The following HS3ST3A1 variants were observed in gnomAD, a reference collection of about 807,000 sequenced individuals.
The protein encoded by HS3ST3A1 is heparan sulfate-glucosamine 3-sulfotransferase 3A1, also known as heparan sulfate glucosamine 3-O-sulfotransferase 3A1.
In HS3ST3A1, 19 loss-of-function variants were observed where a neutral mutation model predicts 25.7. The ratio of observed to expected loss-of-function variants is 0.74; its 90% CI spans 0.52 to 1.08. The LOEUF (loss-of-function observed/expected upper bound fraction) is 1.08, where lower values mean the gene tolerates loss of function less well. Among genes scored for constraint, HS3ST3A1 ranks in the 50% least tolerant of loss-of-function variants. The pLI is 0.00. For synonymous variants in HS3ST3A1, 226 were observed against 278.6 expected (o/e 0.81, Z 1.88); for missense variants, 459 against 594.3 (o/e 0.77, Z 2.37).
chr17:13,568,774 T>C (rs1051661284), intron 1 of HS3ST3A1, among the ~76,000 whole-genome samples: 16 of 152,240 alleles, frequency 1.1e-4, no homozygotes, highest in African/African-American at 3.9e-4. Context: ...AACCAAGTTG[T>C]AAAAAATCAC....
At chr17:13,537,113 C>T (rs3785709) in intron 1 of HS3ST3A1, among the ~76,000 whole-genome samples, 4 of 151,992 alleles carry the variant, frequency 2.6e-5, no homozygotes, top group Non-Finnish European at 5.9e-5. Flanking sequence ...GCCTAGGGCA[C>T]GTCGTGAGCC....
At chr17:13,504,721 T>C (rs1905601375) in intron 1 of HS3ST3A1, among the ~76,000 whole-genome samples, 1 of 152,168 alleles carries the variant, frequency 6.6e-6, no homozygotes, top group African/African-American at 2.4e-5. Flanking sequence ...TTTTAAAGGG[T>C]ATTTGCGAAG....
chr17:13,571,030 G>C (rs553816546), intron 1 of HS3ST3A1, among the ~76,000 whole-genome samples: 1 of 152,120 alleles, frequency 6.6e-6, no homozygotes, highest in East Asian at 1.9e-4. Context: ...TTAGGTGTCC[G>C]TAAACCTAGG....
intron 1 of HS3ST3A1, among the ~76,000 whole-genome samples, chr17:13,534,547 C>CAAAAAAAAAAAAAAAAAAAAAAAA (rs34383911): frequency 9.1e-5 from 3 of 32,828 alleles, no homozygotes; most frequent in Non-Finnish European, 1.8e-4. Flanking sequence ...CTACAAAATC[C>CAAAAAAAAAAAAAAAAAAAAAAAA]AAAAAAAAAA....
rs201254535 is a variant in HS3ST3A1 at position 13,541,389 on chromosome 17, CA to C, written c.600-44572del. On this transcript the variant is annotated intron_variant, in intron 1 of 1. Transcript: ENST00000284110. ...TCAAAAGGTTAGGAATTAAAGACCC[CA>C]TTTCCACCTCTTTTTATTAAATTAT... is the stretch of plus-strand genomic sequence containing the variant. Among the ~76,000 whole-genome samples, 360 of 152,268 alleles carry C rather than the reference CA, an allele frequency of 2.4e-3. 3 individuals carry two copies. Among genetic ancestry groups the C allele is most frequent in the African/African-American group, 7.8e-3 (326 of 41,546 alleles).
intron 1 of HS3ST3A1, among the ~76,000 whole-genome samples, chr17:13,540,701 T>C (rs1906907310): frequency 6.6e-6 from 1 of 152,232 alleles, no homozygotes; most frequent in African/African-American, 2.4e-5. Context: ...ATTTCTGTGG[T>C]TCATTGAGCG....
chr17:13,537,288 C>T (rs1906799323), intron 1 of HS3ST3A1, among the ~76,000 whole-genome samples: 2 of 152,194 alleles, frequency 1.3e-5, no homozygotes, highest in Admixed American at 1.3e-4. Context: ...ACTCCAGCTG[C>T]ATCGTGTGGC....
chr17:13,590,490 G>A (rs1908395297), intron 1 of HS3ST3A1, among the ~76,000 whole-genome samples: 1 of 152,190 alleles, frequency 6.6e-6, no homozygotes, highest in South Asian at 2.1e-4. Context: ...CTGAGTTCTT[G>A]TCTTTCAGCT....
intron 1 of HS3ST3A1, among the ~76,000 whole-genome samples, chr17:13,497,401 T>C (rs1447865482): frequency 2.0e-5 from 3 of 152,236 alleles, no homozygotes; most frequent in Non-Finnish European, 4.4e-5. Context: ...TATCATATTC[T>C]AAATATGTTG....
At chr17:13,554,860 T>C (rs1369605787) in intron 1 of HS3ST3A1, among the ~76,000 whole-genome samples, 1 of 152,150 alleles carries the variant, frequency 6.6e-6, no homozygotes, top group Non-Finnish European at 1.5e-5. Flanking sequence ...ATCTTGAAAC[T>C]AAACGATGGT....
In HS3ST3A1 at chr17:13,561,900, G is replaced by A. The variant is rs139672802; in HGVS notation, c.599+38631C>T. Among the ~76,000 whole-genome samples, 14 of 152,212 alleles carry A rather than the reference G, an allele frequency of 9.2e-5. 1 individual carries two copies. The East Asian group carries it at 2.7e-3, about 30-fold the overall frequency. ...AGGACAGACAAAGGGCAAAAAGAGA[G>A]TGTAGGGTACGGATCTGTGTGGTGC... is the stretch of plus-strand genomic sequence containing the variant. On this transcript the variant is annotated intron_variant, in intron 1 of 1. Transcript: ENST00000284110.
chr17:13,589,416 A>T (rs1042114314), intron 1 of HS3ST3A1, among the ~76,000 whole-genome samples: 1 of 152,200 alleles, frequency 6.6e-6, no homozygotes, highest in African/African-American at 2.4e-5. Flanking sequence ...AATATAAAAC[A>T]GATCCAATCT....
chr17:13,536,847 C>G (rs184531458), intron 1 of HS3ST3A1, among the ~76,000 whole-genome samples: 1 of 152,210 alleles, frequency 6.6e-6, no homozygotes, highest in African/African-American at 2.4e-5. Flanking sequence ...TCTCATTTTT[C>G]TTTTTAACAA....
intron 1 of HS3ST3A1, among the ~76,000 whole-genome samples, chr17:13,551,852 A>G (rs1403195985): frequency 6.6e-6 from 1 of 151,952 alleles, no homozygotes; most frequent in Non-Finnish European, 1.5e-5. Context: ...TTCCTCTTGT[A>G]TGTTTTTTCT....
chr17:13,496,019 C>T lies in HS3ST3A1; in HGVS notation c.*178G>A, dbSNP rs898825243. On this transcript the variant is annotated 3_prime_UTR_variant, in exon 2 of 2. Coordinates refer to ENST00000284110, the MANE Select transcript of HS3ST3A1 (RefSeq NM_006042.3). ...GTGAAATTTTCCTTTTCTGTTGATC[C>T]ACGTGTTTGGTGTTGGTTATACATT... The T allele has an allele frequency of 8.4e-6, 6 of 715,352 alleles. No homozygotes were observed. The highest frequency in any genetic ancestry group is 1.1e-5 in the Non-Finnish European group (5 of 473,200). The allele number at this position is 715,352 out of a possible 1,614,324, so 44.3% of individuals were successfully genotyped here.
chr17:13,559,853 G>A (rs1907479993), intron 1 of HS3ST3A1, among the ~76,000 whole-genome samples: 1 of 151,614 alleles, frequency 6.6e-6, no homozygotes, highest in African/African-American at 2.4e-5. Context: ...TTTTGCTTAG[G>A]TTGTACAATT....
At chr17:13,592,285 G>A (rs1908447380) in intron 1 of HS3ST3A1, among the ~76,000 whole-genome samples, 1 of 152,082 alleles carries the variant, frequency 6.6e-6, no homozygotes, top group Admixed American at 6.6e-5. Context: ...AAAATGATAG[G>A]ACCTGCATAA....
intron 1 of HS3ST3A1, among the ~76,000 whole-genome samples, chr17:13,562,977 T>TTTCA (rs1341243786): frequency 1.3e-5 from 2 of 151,874 alleles, no homozygotes; most frequent in Non-Finnish European, 2.9e-5. Context: ...TGTTTGCTCA[T>TTTCA]TTCATTGGGG....
chr17:13,555,227 C>T (rs934443981), intron 1 of HS3ST3A1, among the ~76,000 whole-genome samples: 3 of 152,132 alleles, frequency 2.0e-5, no homozygotes, highest in Admixed American at 1.3e-4. Flanking sequence ...TCCCTCCATT[C>T]CACTCCAGGA....
Sources: gnomAD v4.1 joint callset for allele counts (sites outside exome capture counted in the v4.1 genomes callset) on GRCh38, gnomAD v4.1.1 for gene constraint, MANE v1.5 for transcripts, NCBI Gene and HGNC (gene_info 2026-07-23, HGNC 2026-07-21) for gene names.